HRH1: variants seen among roughly 807,000 people sequenced by gnomAD.
HRH1 encodes histamine receptor H1.
Under a neutral mutation model 10.3 loss-of-function variants are expected in HRH1, and 6 were observed. The observed-to-expected ratio is 0.58, with a 90% confidence interval of 0.32 to 1.15. The LOEUF is 1.15. Ranked by LOEUF, HRH1 falls within the 50% of genes most tolerant of loss-of-function variation. The pLI is 0.05. For missense variants in HRH1, 514 were observed against 615.3 expected (o/e 0.84, Z 1.74); for synonymous variants, 242 against 236.7 (o/e 1.02, Z -0.21).
At chr3:11,243,816 T>C (rs1157512269) in intron 1 of HRH1, among the ~76,000 whole-genome samples, 1 of 152,230 alleles carries the variant, frequency 6.6e-6, no homozygotes. Context: ...GAGAGGCAGT[T>C]CTTCCCTCTG....
intron 1 of HRH1, among the ~76,000 whole-genome samples, chr3:11,176,834 G>A (rs985686643): frequency 1.3e-5 from 2 of 151,982 alleles, no homozygotes; most frequent in Non-Finnish European, 2.9e-5. Flanking sequence ...GGCTCACGCC[G>A]GTAATCCCAG....
At chr3:11,226,904 G>A (rs1170940727) in intron 1 of HRH1, among the ~76,000 whole-genome samples, 5 of 139,594 alleles carry the variant, frequency 3.6e-5, no homozygotes, top group East Asian at 2.1e-4. Flanking sequence ...AAAAAAAAAA[G>A]AAGATACCAT....
chr3:11,254,055 T>C (rs1426283321), intron 1 of HRH1, among the ~76,000 whole-genome samples: 1 of 152,182 alleles, frequency 6.6e-6, no homozygotes, highest in Non-Finnish European at 1.5e-5. Flanking sequence ...CCTTCCAATA[T>C]TCTAACGTTA....
chr3:11,142,434 G>A (rs1400474155), intron 1 of HRH1, among the ~76,000 whole-genome samples: 1 of 152,210 alleles, frequency 6.6e-6, no homozygotes, highest in East Asian at 1.9e-4. Flanking sequence ...GGGGTACAGT[G>A]AGGAAAAAGA....
chr3:11,251,730 A>C lies in HRH1; in HGVS notation c.-35-7273A>C, dbSNP rs370926592. Among the ~76,000 whole-genome samples, 20 of 152,336 alleles carry C rather than the reference A, an allele frequency of 1.3e-4. No individual in the cohort carries two copies. In the South Asian group the frequency reaches 3.9e-3, roughly 30 times the overall value. On this transcript the variant is annotated intron_variant, in intron 1 of 1. Transcript: ENST00000431010. ...TCGGATTAAATCATCTTTTTCTAAC[A>C]AGATAGCCTTGTATTTTAAAATTCT...
At position 11,256,262 on chromosome 3, in the gene HRH1, A is replaced by C. The variant is rs920897267; in HGVS notation, c.-35-2741A>C. 2.6e-5 allele frequency among the ~76,000 whole-genome samples: 4 copies of C among 152,296 alleles called. No individual in the cohort carries two copies. The East Asian group carries it at 7.7e-4, about 29-fold the overall frequency. ...GATTGGCACCTCAGAGCTGGAGGAC[A>C]TCAAAAAATACCGCTGTAAGAAAGA... is the stretch of plus-strand genomic sequence containing the variant. On this transcript the variant is annotated intron_variant, in intron 1 of 1. Transcript: ENST00000431010.
intron 1 of HRH1, among the ~76,000 whole-genome samples, chr3:11,224,722 T>C (rs1260809216): frequency 6.6e-6 from 1 of 150,416 alleles, no homozygotes; most frequent in Non-Finnish European, 1.5e-5. Context: ...AAAAAGAAAT[T>C]GGATGTTGGA....
At chr3:11,151,139 G>T (rs1559252764), upstream of HRH1, among the ~76,000 whole-genome samples, 1 of 152,204 alleles carries the variant, frequency 6.6e-6, no homozygotes, top group African/African-American at 2.4e-5. Context: ...ACGGTTTCAG[G>T]ACTGGGTATG....
At chr3:11,170,085 T>C (rs551034009) in intron 1 of HRH1, among the ~76,000 whole-genome samples, 1 of 152,128 alleles carries the variant, frequency 6.6e-6, no homozygotes, top group Non-Finnish European at 1.5e-5. Context: ...CAGAGCTGAG[T>C]TGGAATCCCT....
rs575285514 is a variant in HRH1 at position 11,244,068 on chromosome 3, C to T, written c.-35-14935C>T. 1.2e-4 allele frequency among the ~76,000 whole-genome samples: 18 copies of T among 152,290 alleles called. No individual in the cohort carries two copies. In the South Asian group the frequency reaches 3.1e-3, roughly 26 times the overall value. On this transcript the variant is annotated intron_variant, in intron 1 of 1. Coordinates refer to ENST00000431010, the MANE Select transcript of HRH1 (RefSeq NM_001098212.2). ...GACGTGAGGTCCAGAGGTGGGCAGTCCTCGCTGATATGGCAGCCCCATGAT... is the reference window on the plus strand; with the variant it reads ...GACGTGAGGTCCAGAGGTGGGCAGTTCTCGCTGATATGGCAGCCCCATGAT...
Position 11,259,112 on chromosome 3 carries a change from C to T in HRH1, c.75C>T (p.Pro25=), listed in dbSNP as rs760921105. Residue 25 remains proline (P), a synonymous_variant, in exon 2 of 2, where the codon CCC becomes CCT. Transcript: ENST00000431010. The surrounding 1 kb of genome is among the most constrained non-coding windows in gnomAD (Gnocchi z 4.6). ...GCAACAAGACCACTATGGCCAGCCC[C>T]CAGCTGATGCCCCTGGTGGTGGTCC... ...CEGNKTTMAS[P]QLMPLVVVLS... The T allele has an allele frequency of 4.4e-5, 71 of 1,614,004 alleles. No individual in the cohort carries two copies. The Admixed American group carries it at 1.1e-3, about 25-fold the overall frequency.
At chr3:11,221,923 T>C (rs1459503624) in intron 1 of HRH1, among the ~76,000 whole-genome samples, 1 of 152,220 alleles carries the variant, frequency 6.6e-6, no homozygotes, top group Non-Finnish European at 1.5e-5. Flanking sequence ...ACGTGCCAGA[T>C]GCCCTTCCTT....
intron 1 of HRH1, among the ~76,000 whole-genome samples, chr3:11,208,417 G>A (rs1938215046): frequency 6.6e-6 from 1 of 152,096 alleles, no homozygotes; most frequent in Non-Finnish European, 1.5e-5. Flanking sequence ...CTCCCAAAGT[G>A]CTGGAATTAC....
At chr3:11,164,607 G>C (rs966657636) in intron 1 of HRH1, among the ~76,000 whole-genome samples, 1 of 152,046 alleles carries the variant, frequency 6.6e-6, no homozygotes, top group African/African-American at 2.4e-5. Flanking sequence ...TGCCACGTAG[G>C]GCTACAGATG....
rs1240480395 is a variant in HRH1, at chr3:11,259,772, G to A, written c.735G>A (p.Lys245=). The A allele has an allele frequency of 4.3e-6, 7 of 1,614,020 alleles. No homozygotes were observed. Among genetic ancestry groups the A allele is most frequent in the Non-Finnish European group, 5.9e-6 (7 of 1,180,006 alleles). Residue 245 remains lysine, a synonymous_variant, in exon 2 of 2, where the codon AAG becomes AAA. Coordinates refer to ENST00000431010, the MANE Select transcript of HRH1 (RefSeq NM_001098212.2). The surrounding 1 kb of genome is among the most constrained non-coding windows in gnomAD (Gnocchi z 4.6). ...TTAAGCTGAGGCCAGAGAACCCCAAGGGGGATGCCAAGAAACCAGGGAAGG... is the reference window on the plus strand; with the variant it reads ...TTAAGCTGAGGCCAGAGAACCCCAAAGGGGATGCCAAGAAACCAGGGAAGG... The part of the protein sequence containing the change: ...SEIKLRPENP[K]GDAKKPGKES...
intron 1 of HRH1, among the ~76,000 whole-genome samples, chr3:11,233,666 T>C (rs77051111): frequency 6.6e-6 from 1 of 152,128 alleles, no homozygotes; most frequent in African/African-American, 2.4e-5. Flanking sequence ...CAAATCTTCA[T>C]CGTCCAAACA....
intron 1 of HRH1, chr3:11,234,580 T>C (rs1939125711): frequency 6.9e-7 from 1 of 1,439,862 alleles, no homozygotes; most frequent in East Asian, 2.3e-5. Flanking sequence ...GTATGGATCG[T>C]TGGGGTCATC....
chr3:11,146,213 A>G (rs1180856828), intron 1 of HRH1, among the ~76,000 whole-genome samples: 2 of 152,164 alleles, frequency 1.3e-5, no homozygotes, highest in African/African-American at 2.4e-5. Flanking sequence ...CTACTTGACA[A>G]CTTGATGTTG....
intron 1 of HRH1, among the ~76,000 whole-genome samples, chr3:11,160,287 A>G (rs1056810501): frequency 6.6e-6 from 1 of 152,104 alleles, no homozygotes; most frequent in Non-Finnish European, 1.5e-5. Context: ...ACTAGGTTTG[A>G]GCAATTTTCT....
Sources: allele counts gnomAD v4.1 joint callset (sites outside exome capture counted in the v4.1 genomes callset), GRCh38; gene constraint gnomAD v4.1.1; non-coding constraint Gnocchi (gnomAD v3.1); transcripts MANE v1.5; gene names NCBI Gene and HGNC (gene_info 2026-07-23, HGNC 2026-07-21).